Variants in DNM3 observed in about 807,000 individuals in gnomAD.
DNM3 encodes dynamin 3.
A neutral mutation model predicts 101.6 loss-of-function variants in DNM3; 47 were observed. That is an observed-to-expected ratio of 0.46 (90% CI 0.37 to 0.59). The LOEUF is 0.59. DNM3 is among the 20% of genes least tolerant of loss of function. DNM3 has a pLI of 0.00. For synonymous variants in DNM3, 385 were observed against 387.9 expected, an observed-to-expected ratio of 0.99 and a Z score of 0.09; for missense variants, 849 against 1,085.7, an observed-to-expected ratio of 0.78 and a Z score of 3.06.
chr1:172,339,510 T>A (rs1020534534), intron 17 of DNM3, among the ~76,000 whole-genome samples: 1 of 152,188 alleles, frequency 6.6e-6, no homozygotes, highest in Non-Finnish European at 1.5e-5. Flanking sequence ...TTTGTCATGC[T>A]ATGCTTACGG....
At chr1:172,266,003 A>G (rs2062844772) in intron 15 of DNM3, among the ~76,000 whole-genome samples, 1 of 152,190 alleles carries the variant, frequency 6.6e-6, no homozygotes, top group Admixed American at 6.5e-5. Context: ...TCCTATAGAA[A>G]GTGATTTTAG....
intron 10 of DNM3, among the ~76,000 whole-genome samples, chr1:172,065,584 G>A (rs1399023491): frequency 6.6e-6 from 1 of 152,118 alleles, no homozygotes; most frequent in Non-Finnish European, 1.5e-5. Flanking sequence ...AGCTTTTTCT[G>A]GAGAATGTTT....
chr1:172,294,623 A>C (rs2064068645), intron 15 of DNM3, among the ~76,000 whole-genome samples: 1 of 152,166 alleles, frequency 6.6e-6, no homozygotes, highest in Non-Finnish European at 1.5e-5. Context: ...TAAAATGGTA[A>C]AAAGTTAGGC....
At chr1:171,854,570 A>G (rs1558168037) in intron 1 of DNM3, among the ~76,000 whole-genome samples, 1 of 151,922 alleles carries the variant, frequency 6.6e-6, no homozygotes, top group Non-Finnish European at 1.5e-5. Context: ...AGCTCAATCT[A>G]TCAAATTCTT....
At chr1:171,891,670 A>G (rs2037295966) in intron 1 of DNM3, among the ~76,000 whole-genome samples, 1 of 152,130 alleles carries the variant, frequency 6.6e-6, no homozygotes, top group Admixed American at 6.5e-5. Context: ...GTATTTTATA[A>G]AATACCTCTT....
At chr1:172,418,394 T>C in exon 21 of DNM3, 1 of 1,180,242 alleles carries the variant, frequency 8.5e-7, no homozygotes, top group Non-Finnish European at 1.1e-6. Context: ...TTGCACTATA[T>C]GTCGTATGTA....
At position 171,863,438 on chromosome 1, in the gene DNM3, A is replaced by G. The variant is rs142760983; in HGVS notation, c.161+21621A>G. On this transcript the variant is annotated intron_variant, in intron 1 of 20. Transcript: ENST00000627582. ...GGGCAGAAAGACAGGAAAAAAGTAT[A>G]CAAAGACTATTTGAGGAAATGGGAA... Among the ~76,000 whole-genome samples, 19 of 152,322 alleles carry G rather than the reference A, an allele frequency of 1.2e-4. No individual in the cohort carries two copies. In the East Asian group the frequency reaches 3.5e-3, roughly 28 times the overall value.
chr1:172,372,562 T>C (rs1169747738), intron 17 of DNM3, among the ~76,000 whole-genome samples: 1 of 151,792 alleles, frequency 6.6e-6, no homozygotes, highest in Non-Finnish European at 1.5e-5. Flanking sequence ...TGCCAGGTAG[T>C]TTATAAGTGA....
Position 172,299,858 on chromosome 1 carries a change from T to C in DNM3, c.1770-8870T>C, listed in dbSNP as rs2064353477. ...TGCAATGAACATACAGGCACATGTG[T>C]GTTTTTGGCAGAACAATTTATTTTC... On this transcript the variant is annotated intron_variant, in intron 15 of 20. Coordinates refer to ENST00000627582, the MANE Select transcript of DNM3 (RefSeq NM_015569.5). 2.0e-5 allele frequency among the ~76,000 whole-genome samples: 3 copies of C among 152,206 alleles called. No homozygotes were observed. In the South Asian group the frequency reaches 6.2e-4, roughly 31 times the overall value.
chr1:171,917,467 T>C (rs941490473), intron 1 of DNM3, among the ~76,000 whole-genome samples: 1 of 152,190 alleles, frequency 6.6e-6, no homozygotes, highest in African/African-American at 2.4e-5. Context: ...TATTTTTTTG[T>C]CTAGGAGTCA....
intron 16 of DNM3, among the ~76,000 whole-genome samples, chr1:172,315,452 G>A (rs565635566): frequency 5.3e-5 from 8 of 152,304 alleles, no homozygotes; most frequent in African/African-American, 1.9e-4. Flanking sequence ...GCTACAGGAG[G>A]AAATTCAAAC....
At chr1:172,322,944 C>T (rs1002574992) in intron 16 of DNM3, among the ~76,000 whole-genome samples, 1 of 152,018 alleles carries the variant, frequency 6.6e-6, no homozygotes, top group African/African-American at 2.4e-5. Context: ...AAGGGCAAGC[C>T]GGCACACAAA....
chr1:172,399,421 C>T (rs932489280), intron 20 of DNM3, among the ~76,000 whole-genome samples: 2 of 152,162 alleles, frequency 1.3e-5, no homozygotes, highest in Non-Finnish European at 2.9e-5. Context: ...CATCCTTTTG[C>T]TCCCTCTTTT....
At chr1:172,107,346 G>A (rs1263483406) in intron 13 of DNM3, among the ~76,000 whole-genome samples, 3 of 151,992 alleles carry the variant, frequency 2.0e-5, no homozygotes, top group Admixed American at 6.6e-5. Flanking sequence ...GACTTACATG[G>A]ACATCTTAAG....
At chr1:171,999,812 T>G (rs2046250099) in intron 4 of DNM3, among the ~76,000 whole-genome samples, 2 of 152,082 alleles carry the variant, frequency 1.3e-5, no homozygotes, top group African/African-American at 2.4e-5. Flanking sequence ...GAAGGCCATG[T>G]GAAGATGGAG....
rs993676828 is a variant in DNM3, at chr1:171,841,540, C to T, written c.-117C>T. 1 of 1,404,954 alleles carries T rather than the reference C, an allele frequency of 7.1e-7. No homozygotes were observed. The highest frequency in any genetic ancestry group is 9.4e-7 in the Non-Finnish European group (1 of 1,066,132). The allele number at this position is 1,404,954 out of a possible 1,614,324, so 87.0% of individuals were successfully genotyped here. ...TGGCGGCGGGCTCCGACGTCTGCGC[C>T]AGGACCTGGCTGGCTGAGCCCGGCG... On this transcript the variant is annotated 5_prime_UTR_variant, in exon 1 of 21. Transcript: ENST00000627582.
rs142394026 is a variant in DNM3, at chr1:172,277,347, C to T, written c.1769+23665C>T. Among the ~76,000 whole-genome samples the T allele has an allele frequency of 6.8e-3, 1,031 of 152,046 alleles. 22 individuals are homozygous for T. Among genetic ancestry groups the T allele is most frequent in the African/African-American group, 0.023 (974 of 41,472 alleles). On this transcript the variant is annotated intron_variant, in intron 15 of 20. Coordinates refer to ENST00000627582, the MANE Select transcript of DNM3 (RefSeq NM_015569.5). The stretch of plus-strand genomic sequence containing the variant: ...AGACAATCTTTAGAGGATTTCACAG[C>T]GTTTTAGTAGTGAGCAGGAAAATGG...
chr1:172,242,236 G>C (rs1312279112), intron 14 of DNM3, among the ~76,000 whole-genome samples: 1 of 152,082 alleles, frequency 6.6e-6, no homozygotes, highest in Non-Finnish European at 1.5e-5. Flanking sequence ...GGCAAGAAAT[G>C]GGCTGAAGGA....
chr1:172,002,259 GA>G (rs900037215), intron 4 of DNM3, among the ~76,000 whole-genome samples: 1 of 152,044 alleles, frequency 6.6e-6, no homozygotes, highest in Non-Finnish European at 1.5e-5. Flanking sequence ...ATTAAAAAAT[GA>G]CTTCATATGT....
Sources: gnomAD v4.1 joint callset for allele counts (sites outside exome capture counted in the v4.1 genomes callset) on GRCh38, gnomAD v4.1.1 for gene constraint, MANE v1.5 for transcripts, NCBI Gene and HGNC (gene_info 2026-07-23, HGNC 2026-07-21) for gene names.